The following NUP205 variants were observed in gnomAD, a reference collection of about 807,000 sequenced individuals.
The protein encoded by NUP205 is nuclear pore complex protein Nup205.
Under a neutral mutation model 253.8 loss-of-function variants are expected in NUP205, and 76 were observed. The ratio of observed to expected loss-of-function variants is 0.30; its 90% CI spans 0.25 to 0.36. The LOEUF is 0.36. Ranked by LOEUF, NUP205 falls within the 10% of genes least tolerant of loss-of-function variation. NUP205 has a pLI of 1.00. For missense variants in NUP205, 2,162 were observed against 2,425.5 expected (o/e 0.89, Z 2.28); for synonymous variants, 832 against 850.1 (o/e 0.98, Z 0.37).
intron 42 of NUP205, 100 bp downstream of exon 42, chr7:135,646,331 G>C: frequency 1.2e-6 from 1 of 852,278 alleles, no homozygotes; most frequent in Non-Finnish European, 1.9e-6. Context: ...GGGAGGCCGA[G>C]ACGGGAGGAT....
chr7:135,562,651 G>A (rs528552958), intron 1 of NUP205, among the ~76,000 whole-genome samples: 16 of 148,440 alleles, frequency 1.1e-4, no homozygotes, highest in Admixed American at 9.7e-4. Context: ...AAGTTCAAGC[G>A]ATTCTCTTGC....
At chr7:135,632,034 C>T (rs1196148157) in intron 35 of NUP205, among the ~76,000 whole-genome samples, 6 of 152,108 alleles carry the variant, frequency 3.9e-5, no homozygotes, top group South Asian at 2.1e-4. Context: ...CTTGAGCCAC[C>T]GCGCCCGGCC....
chr7:135,639,227 G>A (rs183946395), intron 38 of NUP205, among the ~76,000 whole-genome samples: 2 of 152,072 alleles, frequency 1.3e-5, no homozygotes, highest in Admixed American at 1.3e-4. Context: ...TATCTTGGTG[G>A]GGATAATGGA....
In NUP205 at chr7:135,607,304, G is replaced by A; in HGVS notation, c.3128G>A (p.Gly1043Glu). 2 of 1,614,130 alleles carry A rather than the reference G, an allele frequency of 1.2e-6. No individual in the cohort carries two copies. The highest frequency in any genetic ancestry group is 1.7e-6 in the Non-Finnish European group (2 of 1,179,986). Reference protein sequence around the residue: ...LHAILNILEKGTEGRTGPVAV... With the variant: ...LHAILNILEKETEGRTGPVAV... ...GCCATTCTAAACATCTTGGAGAAAGGAACGGAAGGGAGAACAGGCCCAGTG... is the reference window on the plus strand; with the variant it reads ...GCCATTCTAAACATCTTGGAGAAAGAAACGGAAGGGAGAACAGGCCCAGTG... The change falls in exon 22 of 43, where the codon GGA (glycine) becomes GAA (glutamate). Residue 1043 changes from glycine (G) to glutamate (E), a missense_variant. This residue lies in a region of NUP205 where 1,144 missense variants were observed against 1,280.9 expected (regional missense o/e 0.89). Coordinates refer to ENST00000285968, the MANE Select transcript of NUP205 (RefSeq NM_015135.3).
intron 13 of NUP205, among the ~76,000 whole-genome samples, chr7:135,596,292 T>C (rs940837686): frequency 6.6e-6 from 1 of 152,226 alleles, no homozygotes; most frequent in African/African-American, 2.4e-5. Flanking sequence ...ATACATATCC[T>C]GAAGATGTTA....
intron 1 of NUP205, among the ~76,000 whole-genome samples, chr7:135,569,485 C>A (rs1805883242): frequency 6.6e-6 from 1 of 151,652 alleles, no homozygotes; most frequent in African/African-American, 2.4e-5. Context: ...GGTGAAAGTA[C>A]AATTTACTGG....
chr7:135,602,446 G>A (rs1414003152), intron 17 of NUP205, among the ~76,000 whole-genome samples: 1 of 152,206 alleles, frequency 6.6e-6, no homozygotes, highest in African/African-American at 2.4e-5. Flanking sequence ...AGGACAACTA[G>A]AAGTGTCTCC....
Position 135,620,181 on chromosome 7 carries a change from A to G in NUP205, c.4330+293A>G, listed in dbSNP as rs112566620. Among the ~76,000 whole-genome samples the G allele has an allele frequency of 5.6e-3, 851 of 152,292 alleles. 14 individuals carry two copies. The highest frequency in any genetic ancestry group is 0.051 in the East Asian group (266 of 5,178). ...GACTGAACAGTGTGCTCTACATAGA[A>G]TGGTCCAATGTCTTTCTTTCCTTTG... On this transcript the variant is annotated intron_variant, in intron 30 of 42. Transcript: ENST00000285968.
chr7:135,581,077 G>T (rs6963766), intron 7 of NUP205, among the ~76,000 whole-genome samples: 1 of 151,960 alleles, frequency 6.6e-6, no homozygotes, highest in Non-Finnish European at 1.5e-5. Flanking sequence ...CTGTTAATTT[G>T]CATTTTAAAA....
At position 135,619,604 on chromosome 7, in the gene NUP205, A is replaced by G. The variant is rs749382630; in HGVS notation, c.4145A>G (p.Glu1382Gly). 15 of 1,614,172 alleles carry G rather than the reference A, an allele frequency of 9.3e-6. No individual in the cohort carries two copies. The highest frequency in any genetic ancestry group is 1.2e-5 in the Non-Finnish European group (14 of 1,180,014). Residue 1382 changes from glutamate (E) to glycine (G), a missense_variant, in exon 29 of 43, where the codon GAG (glutamate) becomes GGG (glycine). Transcript: ENST00000285968. ...TGCTTCACCTCACCTCCTCCTGAAG[A>G]GAACCCATTAGTGGGTTTTGCTTCT... Reference protein sequence around the residue: ...DSCFTSPPPEENPLVGFASIG... With the variant: ...DSCFTSPPPEGNPLVGFASIG...
At chr7:135,570,652 TTTA>T (rs1250307305) in intron 1 of NUP205, among the ~76,000 whole-genome samples, 2 of 129,574 alleles carry the variant, frequency 1.5e-5, no homozygotes, top group East Asian at 4.0e-4. Context: ...TTAGCAATCA[TTTA>T]TTATATTAAT....
At chr7:135,564,356 C>T (rs369600405) in intron 1 of NUP205, among the ~76,000 whole-genome samples, 1 of 151,530 alleles carries the variant, frequency 6.6e-6, no homozygotes, top group South Asian at 2.1e-4. Flanking sequence ...AAGCAATTCT[C>T]CTGCCCCGGC....
At chr7:135,628,142 T>C in intron 34 of NUP205, 31 bp downstream of exon 34, 1 of 1,589,052 alleles carries the variant, frequency 6.3e-7, no homozygotes, top group Non-Finnish European at 8.6e-7. Flanking sequence ...AGATATTGTC[T>C]AGAGCAAAAT....
chr7:135,596,927 A>G (rs532989967), intron 13 of NUP205, among the ~76,000 whole-genome samples: 76 of 150,710 alleles, frequency 5.0e-4, no homozygotes, highest in African/African-American at 1.7e-3. Flanking sequence ...ACTGTACTCC[A>G]GCTTGGCCGA....
intron 35 of NUP205, 79 bp downstream of exon 35, chr7:135,630,549 C>T: frequency 7.5e-7 from 1 of 1,339,364 alleles, no homozygotes; most frequent in Non-Finnish European, 1.0e-6. Context: ...TTTTTTGTTA[C>T]TTTGCAGCTA....
intron 11 of NUP205, among the ~76,000 whole-genome samples, chr7:135,592,699 C>A (rs985400455): frequency 2.6e-5 from 4 of 152,068 alleles, no homozygotes; most frequent in African/African-American, 9.7e-5. Context: ...GCAGCCTGGC[C>A]AACATGGTGA....
intron 30 of NUP205, 93 bp downstream of exon 30, chr7:135,619,981 A>G: frequency 1.2e-6 from 1 of 807,342 alleles, no homozygotes; most frequent in Admixed American, 2.3e-5. Context: ...TTGACTAATC[A>G]CAACTGTAAA....
chr7:135,636,724 G>A (rs939653534), intron 36 of NUP205, among the ~76,000 whole-genome samples: 7 of 152,204 alleles, frequency 4.6e-5, no homozygotes, highest in Admixed American at 2.0e-4. Flanking sequence ...AACTTACAGT[G>A]GCCGGGTGGG....
Position 135,579,197 on chromosome 7 carries a change from A to AT in NUP205, c.1042+296dup, listed in dbSNP as rs11396157. On this transcript the variant is annotated intron_variant, in intron 7 of 42. Coordinates refer to ENST00000285968, the MANE Select transcript of NUP205 (RefSeq NM_015135.3). The stretch of plus-strand genomic sequence containing the variant: ...AATTTGGAATGACAGTGTCACATTA[A>AT]TTTTTTTTTTTTTTGAGATGGAGTT... Among the ~76,000 whole-genome samples, 27,075 of 143,932 alleles carry AT rather than the reference A, an allele frequency of 0.19. 2,559 individuals carry two copies. The highest frequency in any genetic ancestry group is 0.29 in the East Asian group (1,425 of 4,968). 94.4% of individuals were successfully genotyped at this position (143,932 alleles called of 152,430 possible).
Sources: gnomAD v4.1 joint callset for allele counts (sites outside exome capture counted in the v4.1 genomes callset) on GRCh38, gnomAD v4.1.1 for gene constraint, gnomAD v4.1.1 regional missense constraint, MANE v1.5 for transcripts, NCBI Gene and HGNC (gene_info 2026-07-23, HGNC 2026-07-21) for gene names.